Variants in SLC10A7 observed in about 807,000 individuals in gnomAD.
SLC10A7 encodes solute carrier family 10 member 7, also known as sodium/bile acid cotransporter 7.
SLC10A7 carries 29 observed loss-of-function variants against 43.2 expected under a neutral mutation model. The ratio of observed to expected loss-of-function variants is 0.67; its 90% CI spans 0.50 to 0.92. The LOEUF (loss-of-function observed/expected upper bound fraction) is 0.92, where lower values mean the gene tolerates loss of function less well. Ranked by LOEUF, SLC10A7 falls within the 40% of genes least tolerant of loss-of-function variation. The pLI is 0.00. For synonymous variants in SLC10A7, 152 were observed against 144.8 expected, an observed-to-expected ratio of 1.05 and a Z score of -0.35; for missense variants, 295 against 403.2, an observed-to-expected ratio of 0.73 and a Z score of 2.30.
chr4:146,407,838 C>T (rs1423199833), intron 5 of SLC10A7, among the ~76,000 whole-genome samples: 1 of 152,094 alleles, frequency 6.6e-6, no homozygotes, highest in African/African-American at 2.4e-5. Context: ...TGACAGATAG[C>T]CGAGATATTG....
intron 5 of SLC10A7, among the ~76,000 whole-genome samples, chr4:146,349,381 G>A (rs1734857181): frequency 6.6e-6 from 1 of 152,170 alleles, no homozygotes; most frequent in Admixed American, 6.5e-5. Flanking sequence ...AAGCTGCAGG[G>A]AAAAGGGAAC....
intron 4 of SLC10A7, among the ~76,000 whole-genome samples, chr4:146,456,987 A>T (rs1732119704): frequency 6.6e-6 from 1 of 151,914 alleles, no homozygotes; most frequent in Non-Finnish European, 1.5e-5. Context: ...TATATTTTTA[A>T]ATTATACAAC....
At chr4:146,482,228 C>T (rs534478259) in intron 4 of SLC10A7, among the ~76,000 whole-genome samples, 1 of 152,016 alleles carries the variant, frequency 6.6e-6, no homozygotes, top group Non-Finnish European at 1.5e-5. Flanking sequence ...AAGAATGATA[C>T]CACCAAAGGA....
intron 5 of SLC10A7, among the ~76,000 whole-genome samples, chr4:146,410,040 T>TTAA (rs1244719756): frequency 6.6e-6 from 1 of 152,186 alleles, no homozygotes; most frequent in Non-Finnish European, 1.5e-5. Context: ...TTAAGGACAT[T>TTAA]TAATAATCAC....
chr4:146,514,782 T>C (rs542957785), intron 2 of SLC10A7: 1 of 223,852 alleles, frequency 4.5e-6, no homozygotes, highest in South Asian at 1.6e-4. Context: ...TAAACAAATA[T>C]GACTGCTACC....
intron 1 of SLC10A7, among the ~76,000 whole-genome samples, chr4:146,518,799 C>A (rs1738261200): frequency 6.6e-6 from 1 of 151,840 alleles, no homozygotes; most frequent in African/African-American, 2.4e-5. Flanking sequence ...GGCTGGCAAC[C>A]ACCACAAGCT....
At chr4:146,377,836 A>C (rs570834930) in intron 5 of SLC10A7, among the ~76,000 whole-genome samples, 1 of 152,344 alleles carries the variant, frequency 6.6e-6, no homozygotes, top group East Asian at 1.9e-4. Flanking sequence ...GTGTGAAATG[A>C]ACATCTTTTG....
intron 4 of SLC10A7, among the ~76,000 whole-genome samples, chr4:146,455,208 C>A (rs1386227620): frequency 6.6e-6 from 1 of 151,754 alleles, no homozygotes; most frequent in Non-Finnish European, 1.5e-5. Flanking sequence ...ATAATAACTA[C>A]AATACAAGAA....
intron 6 of SLC10A7, among the ~76,000 whole-genome samples, chr4:146,322,571 A>G (rs966824733): frequency 2.0e-5 from 3 of 152,042 alleles, no homozygotes; most frequent in African/African-American, 7.3e-5. Context: ...TTATGGCTGC[A>G]TAGTATTCCA....
At chr4:146,409,305 GA>G (rs989296569) in intron 5 of SLC10A7, among the ~76,000 whole-genome samples, 1 of 107,420 alleles carries the variant, frequency 9.3e-6, no homozygotes, top group Non-Finnish European at 1.9e-5. Context: ...CTTCCAAATA[GA>G]AAAAAAATGC....
chr4:146,486,797 G>GT lies in SLC10A7; in HGVS notation c.396+17051dup, dbSNP rs575077174. On this transcript the variant is annotated intron_variant, in intron 4 of 11. Coordinates refer to ENST00000335472, the MANE Select transcript of SLC10A7 (RefSeq NM_001029998.6). The stretch of plus-strand genomic sequence containing the variant: ...AACACGGAGAATCCCCTATAGGGCA[G>GT]TGGCAGTCTTCTCTTTTAAATCTAC... 1.6e-4 allele frequency among the ~76,000 whole-genome samples: 25 copies of GT among 152,356 alleles called. No individual in the cohort carries two copies. In the East Asian group the frequency reaches 4.6e-3, roughly 28 times the overall value.
chr4:146,446,870 T>C (rs535961418), intron 4 of SLC10A7, among the ~76,000 whole-genome samples: 104 of 152,278 alleles, frequency 6.8e-4, no homozygotes, highest in African/African-American at 2.3e-3. Flanking sequence ...CACGTGTATA[T>C]ATTCATTAAT....
At position 146,255,914 on chromosome 4, in the gene SLC10A7, T is replaced by G. The variant is rs903349209; in HGVS notation, c.*577A>C. 6.6e-6 allele frequency: 1 copy of G among 152,112 alleles called. No homozygotes were observed. Among genetic ancestry groups the G allele is most frequent in the African/African-American group, 2.4e-5 (1 of 41,364 alleles). The allele number at this position is 152,112 out of a possible 1,614,324, so 9.4% of individuals were successfully genotyped here. ...TAACCACAATCTCTCATAATGGGAG[T>G]GAGGAATTTCTGTGTGGAAACTATT... On this transcript the variant is annotated 3_prime_UTR_variant, in exon 12 of 12. Coordinates refer to ENST00000335472, the MANE Select transcript of SLC10A7 (RefSeq NM_001029998.6).
chr4:146,311,907 A>G lies in SLC10A7; in HGVS notation c.472-5898T>C, dbSNP rs192667526. On this transcript the variant is annotated intron_variant, in intron 6 of 11. Coordinates refer to ENST00000335472, the MANE Select transcript of SLC10A7 (RefSeq NM_001029998.6). ...CCCCTCCCTATACACGATATAGTTC[A>G]GCTTTTCTTTCATTCCTACTGCTCC... 1.7e-4 allele frequency among the ~76,000 whole-genome samples: 26 copies of G among 152,294 alleles called. No homozygotes were observed. In the East Asian group the frequency reaches 4.4e-3, roughly 26 times the overall value.
At chr4:146,269,666 CAG>C (rs1728777134) in intron 10 of SLC10A7, among the ~76,000 whole-genome samples, 1 of 152,188 alleles carries the variant, frequency 6.6e-6, no homozygotes, top group Non-Finnish European at 1.5e-5. Context: ...TCCAATTTTA[CAG>C]AGTTTTTTAG....
intron 4 of SLC10A7, among the ~76,000 whole-genome samples, chr4:146,474,345 T>C (rs1223931521): frequency 6.6e-6 from 1 of 152,170 alleles, no homozygotes; most frequent in Non-Finnish European, 1.5e-5. Context: ...CTCTTTATTC[T>C]TCAAGAATTC....
chr4:146,438,887 G>A (rs1320265258), intron 5 of SLC10A7, among the ~76,000 whole-genome samples: 4 of 152,010 alleles, frequency 2.6e-5, no homozygotes, highest in African/African-American at 7.2e-5. Flanking sequence ...ACCTTTTGAT[G>A]AGGAGCAACA....
At chr4:146,407,916 G>A (rs1465661265) in intron 5 of SLC10A7, among the ~76,000 whole-genome samples, 1 of 152,116 alleles carries the variant, frequency 6.6e-6, no homozygotes, top group Non-Finnish European at 1.5e-5. Context: ...TCACCCTCAG[G>A]ATGTACAACA....
chr4:146,459,333 G>C (rs1189469777), intron 4 of SLC10A7, among the ~76,000 whole-genome samples: 2 of 151,580 alleles, frequency 1.3e-5, no homozygotes, highest in African/African-American at 4.8e-5. Context: ...ATTGACAAAT[G>C]ACTACAATTT....
Sources: allele counts gnomAD v4.1 joint callset (sites outside exome capture counted in the v4.1 genomes callset), GRCh38; gene constraint gnomAD v4.1.1; transcripts MANE v1.5; gene names NCBI Gene and HGNC (gene_info 2026-07-23, HGNC 2026-07-21).